The following CHN2 variants were observed in gnomAD, a reference collection of about 807,000 sequenced individuals.
CHN2 encodes the protein beta-chimaerin.
Under a neutral mutation model 56.3 loss-of-function variants are expected in CHN2, and 35 were observed. The observed-to-expected ratio is 0.62, with a 90% CI of 0.47 to 0.82. The LOEUF is 0.82. CHN2 is among the 40% of genes least tolerant of loss of function. The probability of loss-of-function intolerance (pLI) is 0.00; values close to 1 mark genes in which losing one functional copy is unlikely to be tolerated. For missense variants in CHN2, 491 were observed against 580.5 expected (o/e 0.85, Z 1.58); for synonymous variants, 210 against 212.8 (o/e 0.99, Z 0.12).
Position 29,412,923 on chromosome 7 carries a change from G to A in CHN2, c.576+12095G>A, listed in dbSNP as rs184326338. On this transcript the variant is annotated intron_variant, in intron 6 of 12. Transcript: ENST00000222792. ...GGGTGGGTGGGGTCCTGGATCAACTGTGGGAAGAAGAAGGATTTTGTTCCC... is the reference window on the plus strand; with the variant it reads ...GGGTGGGTGGGGTCCTGGATCAACTATGGGAAGAAGAAGGATTTTGTTCCC... Among the ~76,000 whole-genome samples, 1,262 of 152,180 alleles carry A rather than the reference G, an allele frequency of 8.3e-3. 25 individuals are homozygous for A. The highest frequency in any genetic ancestry group is 0.029 in the African/African-American group (1,220 of 41,464).
intron 9 of CHN2, among the ~76,000 whole-genome samples, chr7:29,503,845 T>C (rs1790245586): frequency 6.6e-6 from 1 of 152,234 alleles, no homozygotes; most frequent in African/African-American, 2.4e-5. Flanking sequence ...ATAGTTTTGA[T>C]AGCAGCTAGT....
At chr7:29,267,268 A>T (rs1362512984) in intron 1 of CHN2, among the ~76,000 whole-genome samples, 1 of 150,242 alleles carries the variant, frequency 6.7e-6, no homozygotes, top group African/African-American at 2.5e-5. Flanking sequence ...TTTGAGACAG[A>T]GTCTCCCTCT....
chr7:29,442,934 CTTTTT>C (rs541792526), intron 6 of CHN2, among the ~76,000 whole-genome samples: 1 of 103,068 alleles, frequency 9.7e-6, no homozygotes, highest in Non-Finnish European at 1.8e-5. Context: ...CATTGAATTT[CTTTTT>C]TTTTTTTTTT....
intron 2 of CHN2, among the ~76,000 whole-genome samples, chr7:29,160,124 A>T (rs556171241): frequency 7.9e-4 from 121 of 152,308 alleles, no homozygotes; most frequent in African/African-American, 2.9e-3. Context: ...CCTAAGATCA[A>T]CATGGTTTCC....
chr7:29,217,748 C>T (rs1399387963), intron 1 of CHN2, among the ~76,000 whole-genome samples: 2 of 152,060 alleles, frequency 1.3e-5, no homozygotes, highest in East Asian at 3.9e-4. Flanking sequence ...TGCACATGCT[C>T]CTAAGGATAT....
In CHN2 at chr7:29,368,196, C is replaced by T. The variant is rs541002912; in HGVS notation, c.144+209C>T. ...CAAACCAACTTGGACTCAGATGTCT[C>T]ATATTTTTAACCATTGCCGAGACAA... On this transcript the variant is annotated intron_variant, in intron 3 of 12. Transcript: ENST00000222792. Among the ~76,000 whole-genome samples, 23 of 152,216 alleles carry T rather than the reference C, an allele frequency of 1.5e-4. No individual in the cohort carries two copies. The South Asian group carries it at 3.9e-3, about 26-fold the overall frequency.
chr7:29,404,298 G>A (rs550068383), intron 6 of CHN2, among the ~76,000 whole-genome samples: 36 of 152,154 alleles, frequency 2.4e-4, no homozygotes, highest in Middle Eastern at 6.8e-3. Context: ...TATACCCTAC[G>A]AATCCAATGC....
chr7:29,423,699 T>C (rs534193686), intron 6 of CHN2, among the ~76,000 whole-genome samples: 2 of 152,248 alleles, frequency 1.3e-5, no homozygotes, highest in Non-Finnish European at 2.9e-5. Flanking sequence ...GGCAATATCA[T>C]AGTCTTTGTC....
chr7:29,210,453 A>G (rs1405196349), intron 1 of CHN2, among the ~76,000 whole-genome samples: 1 of 152,044 alleles, frequency 6.6e-6, no homozygotes, highest in African/African-American at 2.4e-5. Context: ...TGCACACACC[A>G]ATACTTCATT....
At chr7:29,237,156 C>T (rs1018876140) in intron 1 of CHN2, among the ~76,000 whole-genome samples, 2 of 152,224 alleles carry the variant, frequency 1.3e-5, no homozygotes, top group Admixed American at 6.5e-5. Flanking sequence ...CTACACAAAC[C>T]TTTATAACTC....
intron 3 of CHN2, among the ~76,000 whole-genome samples, chr7:29,372,319 G>A (rs914427288): frequency 1.3e-5 from 2 of 152,090 alleles, no homozygotes; most frequent in African/African-American, 4.8e-5. Context: ...CTAGGTTTCA[G>A]GTCAAATTTC....
At chr7:29,343,437 T>C (rs1388125994) in intron 1 of CHN2, among the ~76,000 whole-genome samples, 1 of 152,122 alleles carries the variant, frequency 6.6e-6, no homozygotes, top group Non-Finnish European at 1.5e-5. Context: ...CATTTCTCCA[T>C]CAAACCTCCC....
intron 7 of CHN2, among the ~76,000 whole-genome samples, chr7:29,487,179 G>A (rs374641133): frequency 2.4e-4 from 36 of 151,140 alleles, no homozygotes; most frequent in African/African-American, 8.5e-4. Context: ...GCAGAAATTG[G>A]CTTCAGAATG....
intron 6 of CHN2, among the ~76,000 whole-genome samples, chr7:29,421,752 T>A (rs1349066656): frequency 6.6e-6 from 1 of 152,142 alleles, no homozygotes; most frequent in Non-Finnish European, 1.5e-5. Flanking sequence ...TGCCTGTGAG[T>A]GTAAGTCACA....
At chr7:29,214,575 C>G (rs1222281373) in intron 1 of CHN2, among the ~76,000 whole-genome samples, 1 of 152,138 alleles carries the variant, frequency 6.6e-6, no homozygotes, top group Admixed American at 6.6e-5. Flanking sequence ...CTTGTGGTGT[C>G]TTTCCTAATC....
intron 2 of CHN2, among the ~76,000 whole-genome samples, chr7:29,361,138 A>G (rs1241039370): frequency 2.0e-5 from 3 of 152,248 alleles, no homozygotes; most frequent in Non-Finnish European, 4.4e-5. Context: ...AGACCACCCA[A>G]GAATTGACAT....
At chr7:29,379,052 T>TA (rs1234342691) in intron 3 of CHN2, among the ~76,000 whole-genome samples, 1 of 152,254 alleles carries the variant, frequency 6.6e-6, no homozygotes, top group Non-Finnish European at 1.5e-5. Flanking sequence ...CATTGGTCTT[T>TA]AATTTCTACC....
At chr7:29,197,965 G>T (rs71539588) in intron 1 of CHN2, 2 of 456,286 alleles carry the variant, frequency 4.4e-6, no homozygotes, top group Non-Finnish European at 8.8e-6. Flanking sequence ...GAAGAGCTTA[G>T]GTAAAGGCCT....
intron 1 of CHN2, among the ~76,000 whole-genome samples, chr7:29,336,270 T>C (rs1458036298): frequency 6.6e-6 from 1 of 152,084 alleles, no homozygotes; most frequent in Non-Finnish European, 1.5e-5. Flanking sequence ...CGGCTTTTGT[T>C]GAGGAACTGA....
Sources: allele counts gnomAD v4.1 joint callset (sites outside exome capture counted in the v4.1 genomes callset), GRCh38; gene constraint gnomAD v4.1.1; transcripts MANE v1.5; gene names NCBI Gene and HGNC (gene_info 2026-07-23, HGNC 2026-07-21).